Variants in ACYP2 observed in about 807,000 individuals in gnomAD.
The protein encoded by ACYP2 is acylphosphatase-2.
In ACYP2, 12 loss-of-function variants were observed where a neutral mutation model predicts 11.2. The ratio of observed to expected loss-of-function variants is 1.08; its 90% CI spans 0.69 to 1.74. The LOEUF (loss-of-function observed/expected upper bound fraction) is 1.74. ACYP2 is among the 40% of genes most tolerant of loss of function. ACYP2 has a pLI of 0.00. For missense variants in ACYP2, 134 were observed against 101.9 expected (o/e 1.31, Z -1.35); for synonymous variants, 43 against 32.2 (o/e 1.33, Z -1.13).
chr2:54,294,865 A>C (rs1355654939), intron 6 of ACYP2, among the ~76,000 whole-genome samples: 2 of 151,998 alleles, frequency 1.3e-5, no homozygotes, highest in East Asian at 3.9e-4. Flanking sequence ...ACAGTGAGTC[A>C]TGATCACACC....
chr2:54,244,895 T>G (rs1316403226), intron 6 of ACYP2, among the ~76,000 whole-genome samples: 3 of 152,112 alleles, frequency 2.0e-5, no homozygotes, highest in Non-Finnish European at 4.4e-5. Flanking sequence ...ATTGGAAAAA[T>G]TCAATACCCT....
chr2:54,251,037 T>C (rs1055890501), intron 6 of ACYP2, among the ~76,000 whole-genome samples: 15 of 152,326 alleles, frequency 9.8e-5, no homozygotes, highest in Middle Eastern at 3.4e-3. Flanking sequence ...ATAAAAAATA[T>C]ATGGATTTGA....
At chr2:54,119,565 T>A (rs1167906249) in intron 4 of ACYP2, among the ~76,000 whole-genome samples, 1 of 152,176 alleles carries the variant, frequency 6.6e-6, no homozygotes, top group Non-Finnish European at 1.5e-5. Context: ...CCAGTGAAAA[T>A]TGTTTCAATG....
intron 6 of ACYP2, among the ~76,000 whole-genome samples, chr2:54,188,888 C>A (rs551568223): frequency 1.3e-5 from 2 of 152,258 alleles, no homozygotes; most frequent in South Asian, 2.1e-4. Flanking sequence ...TCTGCTTTCT[C>A]CTGTTTCTGC....
intron 6 of ACYP2, among the ~76,000 whole-genome samples, chr2:54,278,749 CAT>C (rs1182992314): frequency 6.6e-6 from 1 of 152,182 alleles, no homozygotes; most frequent in Non-Finnish European, 1.5e-5. Flanking sequence ...CATAATGAAA[CAT>C]ACCTATTTAC....
intron 2 of ACYP2, among the ~76,000 whole-genome samples, chr2:54,011,669 G>C (rs989948285): frequency 1.3e-5 from 2 of 152,080 alleles, no homozygotes; most frequent in Non-Finnish European, 2.9e-5. Context: ...AACAACAAAA[G>C]ATATTCTGAC....
At chr2:54,111,367 G>C (rs34433964) in intron 4 of ACYP2, among the ~76,000 whole-genome samples, 36,295 of 152,088 alleles carry the variant, frequency 0.24, 4,936 homozygotes, top group African/African-American at 0.37. Context: ...GCAAGGGCGG[G>C]GGGGACCAAC....
chr2:54,074,611 TG>T (rs1272282961), intron 4 of ACYP2, among the ~76,000 whole-genome samples: 2 of 144,464 alleles, frequency 1.4e-5, no homozygotes, highest in East Asian at 2.1e-4. Context: ...TGTGTGTGTG[TG>T]TGTGTGTGTA....
intron 6 of ACYP2, among the ~76,000 whole-genome samples, chr2:54,251,096 T>C (rs1687203707): frequency 6.6e-6 from 1 of 152,244 alleles, no homozygotes; most frequent in Non-Finnish European, 1.5e-5. Flanking sequence ...GAGCCATTAT[T>C]AAAGAGGTGT....
intron 6 of ACYP2, among the ~76,000 whole-genome samples, chr2:54,285,523 G>A (rs1392160742): frequency 6.6e-6 from 1 of 152,168 alleles, no homozygotes; most frequent in Non-Finnish European, 1.5e-5. Context: ...TGTCTAAAAA[G>A]CATCTCATGC....
intron 2 of ACYP2, among the ~76,000 whole-genome samples, chr2:54,029,141 GGT>G (rs150061614): frequency 0.023 from 3,486 of 152,190 alleles, 50 homozygotes; most frequent in Non-Finnish European, 0.035. Flanking sequence ...CTCTAGCCTA[GGT>G]GACAGAGGGA....
Position 54,187,626 on chromosome 2 carries a change from A to C in ACYP2, c.404+48878A>C, listed in dbSNP as rs529425079. 1.6e-4 allele frequency among the ~76,000 whole-genome samples: 25 copies of C among 152,320 alleles called. No homozygotes were observed. In the South Asian group the frequency reaches 5.2e-3, roughly 32 times the overall value. On this transcript the variant is annotated intron_variant, in intron 6 of 6. Transcript: ENST00000607452. ...GTGCCTATGAAGTCTTGGCAGAATCAGCCATTGCACAGCAGGCAGCACTGC... is the reference window on the plus strand; with the variant it reads ...GTGCCTATGAAGTCTTGGCAGAATCCGCCATTGCACAGCAGGCAGCACTGC...
chr2:54,130,313 G>A (rs1180499799), intron 4 of ACYP2, among the ~76,000 whole-genome samples: 4 of 152,142 alleles, frequency 2.6e-5, no homozygotes, highest in African/African-American at 9.7e-5. Context: ...CAAAGGCTAG[G>A]GGGCTTGGCA....
intron 6 of ACYP2, chr2:54,256,284 C>T (rs1383860172): frequency 2.1e-6 from 2 of 966,208 alleles, no homozygotes; most frequent in East Asian, 2.5e-5. Flanking sequence ...CGACACCCAC[C>T]CCTCAGTCTC....
intron 6 of ACYP2, among the ~76,000 whole-genome samples, chr2:54,215,576 C>T (rs1172308867): frequency 6.6e-6 from 1 of 152,250 alleles, no homozygotes; most frequent in Non-Finnish European, 1.5e-5. Context: ...TACCATGATA[C>T]CATCTTGTAG....
chr2:54,151,296 G>A (rs1682157722), intron 6 of ACYP2, among the ~76,000 whole-genome samples: 1 of 152,146 alleles, frequency 6.6e-6, no homozygotes, highest in South Asian at 2.1e-4. Context: ...TGAACAATTA[G>A]GTGGTGTCAG....
At chr2:54,213,298 C>A (rs2103934738) in intron 6 of ACYP2, among the ~76,000 whole-genome samples, 1 of 152,242 alleles carries the variant, frequency 6.6e-6, no homozygotes, top group South Asian at 2.1e-4. Context: ...GTGTAGTATT[C>A]CATGGTGTAT....
chr2:54,130,399 A>G (rs1467522525), intron 4 of ACYP2, among the ~76,000 whole-genome samples: 3 of 152,140 alleles, frequency 2.0e-5, no homozygotes, highest in Non-Finnish European at 2.9e-5. Flanking sequence ...TATGAGGTAG[A>G]GGAATTAGGG....
At chr2:54,261,138 T>C (rs978590828) in intron 6 of ACYP2, among the ~76,000 whole-genome samples, 1 of 152,224 alleles carries the variant, frequency 6.6e-6, no homozygotes, top group African/African-American at 2.4e-5. Flanking sequence ...TTTTTTAAAA[T>C]TGAAAGGTGA....
Sources: gnomAD v4.1 joint callset for allele counts (sites outside exome capture counted in the v4.1 genomes callset) on GRCh38, gnomAD v4.1.1 for gene constraint, MANE v1.5 for transcripts, NCBI Gene and HGNC (gene_info 2026-07-23, HGNC 2026-07-21) for gene names.